The following QSOX2 variants were observed in gnomAD, a reference collection of about 807,000 sequenced individuals.
QSOX2 encodes quiescin sulfhydryl oxidase 2.
In QSOX2, 46 loss-of-function variants were observed where a neutral mutation model predicts 61.7. The ratio of observed to expected loss-of-function variants is 0.75; its 90% CI spans 0.59 to 0.95. QSOX2 has a LOEUF of 0.95. Ranked by LOEUF, QSOX2 falls within the 40% of genes least tolerant of loss-of-function variation. The probability of loss-of-function intolerance (pLI) is 0.00; values close to 1 mark genes in which losing one functional copy is unlikely to be tolerated. For synonymous variants in QSOX2, 383 were observed against 388.4 expected, an observed-to-expected ratio of 0.99 and a Z score of 0.16; for missense variants, 879 against 918.9, an observed-to-expected ratio of 0.96 and a Z score of 0.56.
intron 1 of QSOX2, among the ~76,000 whole-genome samples, chr9:136,234,879 C>T (rs1438663206): frequency 1.3e-5 from 2 of 151,798 alleles, no homozygotes; most frequent in African/African-American, 2.4e-5. Context: ...CACACCCCAG[C>T]GACCACAGGC....
Position 136,212,530 on chromosome 9 carries a change from G to A in QSOX2, c.1361-1078C>T, listed in dbSNP as rs374820346. On this transcript the variant is annotated intron_variant, in intron 10 of 11. Transcript: ENST00000358701. ...TTGTTTATTTCACCCAGAAAGGTGAGAGCAGAGCAGAGCAGACCACCTCCT... is the reference window on the plus strand; with the variant it reads ...TTGTTTATTTCACCCAGAAAGGTGAAAGCAGAGCAGAGCAGACCACCTCCT... Among the ~76,000 whole-genome samples the A allele has an allele frequency of 6.6e-5, 10 of 152,314 alleles. No individual in the cohort carries two copies. In the East Asian group the frequency reaches 1.5e-3, roughly 24 times the overall value.
rs190066568 is a variant in QSOX2 at position 136,216,895 on chromosome 9, C to A, written c.1087-173G>T. Among the ~76,000 whole-genome samples the A allele has an allele frequency of 2.1e-3, 317 of 152,342 alleles. 3 individuals carry two copies. Among genetic ancestry groups the A allele is most frequent in the African/African-American group, 7.5e-3 (312 of 41,570 alleles). ...ATGGGAGGCAGGAAACCCAAGGGGCCATGGGGTGGGCATCTAGCCTGCGCC... is the reference window on the plus strand; with the variant it reads ...ATGGGAGGCAGGAAACCCAAGGGGCAATGGGGTGGGCATCTAGCCTGCGCC... On this transcript the variant is annotated intron_variant, in intron 8 of 11. Coordinates refer to ENST00000358701, the MANE Select transcript of QSOX2 (RefSeq NM_181701.4).
intron 3 of QSOX2, among the ~76,000 whole-genome samples, 157 bp from the exon 4 acceptor site, chr9:136,224,269 C>T (rs1830258688): frequency 6.6e-6 from 1 of 152,238 alleles, no homozygotes; most frequent in African/African-American, 2.4e-5. Flanking sequence ...TGCCCAATGC[C>T]ACCCACAGGC....
intron 6 of QSOX2, among the ~76,000 whole-genome samples, chr9:136,219,523 G>A (rs192618428): frequency 2.6e-5 from 4 of 152,298 alleles, no homozygotes; most frequent in East Asian, 1.9e-4. Flanking sequence ...CTTCACCGAC[G>A]CGCCCACAAT....
chr9:136,223,998 G>T lies in QSOX2; in HGVS notation c.584+9C>A. 1 of 1,610,112 alleles carries T rather than the reference G, an allele frequency of 6.2e-7. No homozygotes were observed. The highest frequency in any genetic ancestry group is 8.5e-7 in the Non-Finnish European group (1 of 1,176,540). On this transcript the variant is annotated intron_variant, in intron 4 of 11. Transcript: ENST00000358701. This position sits in a 1 kb window ranked among gnomAD's most constrained non-coding sequence, Gnocchi z 4.4. ...GTCTAACGGCCGCCTTCTTCATGGAGCTACTCACTGAATGGGGTCTAGGCG... is the reference window on the plus strand; with the variant it reads ...GTCTAACGGCCGCCTTCTTCATGGATCTACTCACTGAATGGGGTCTAGGCG...
chr9:136,223,852 G>A lies in QSOX2; in HGVS notation c.586C>T (p.Pro196Ser). ...TCAAGAAGGGAAAGAACATCACTGG[G>A]CCTTTCAAGAGGAAAAAAAGAGGCT... Reference protein sequence around the residue: ...PACPRLDPIQPSDVLSLLDNR... With the variant: ...PACPRLDPIQSSDVLSLLDNR... The change falls in exon 5 of 12, where the codon CCC (proline) becomes TCC (serine). Residue 196 changes from proline (P) to serine (S), a missense_variant and splice_region_variant. By Grantham distance (74) the Pro-to-Ser change is moderately conservative. Transcript: ENST00000358701. The surrounding 1 kb of genome is among the most constrained non-coding windows in gnomAD (Gnocchi z 4.4). 1 of 1,613,962 alleles carries A rather than the reference G, an allele frequency of 6.2e-7. No individual in the cohort carries two copies. Among genetic ancestry groups the A allele is most frequent in the Non-Finnish European group, 8.5e-7 (1 of 1,179,932 alleles).
Position 136,245,671 on chromosome 9 carries a change from C to G in QSOX2, c.133G>C (p.Val45Leu). The G allele has an allele frequency of 8.3e-7, 1 of 1,205,430 alleles. No homozygotes were observed. The highest frequency in any genetic ancestry group is 1.0e-6 in the Non-Finnish European group (1 of 973,646). 74.7% of individuals were successfully genotyped at this position (1,205,430 alleles called of 1,614,324 possible). The change falls in exon 1 of 12, where the codon GTG (valine) becomes CTG (leucine). Residue 45 changes from valine (V) to leucine (L), a missense_variant. Val to Leu is a conservative substitution (Grantham distance 32). Coordinates refer to ENST00000358701, the MANE Select transcript of QSOX2 (RefSeq NM_181701.4). ...GCCGCACCGCCCGCGCCCGGCCCCA[C>G]CGCCGCCGCCGCTAGCAGCACTAGC... Reference protein sequence around the residue: ...RLLVLLAAAAVGPGAGGAARL... With the variant: ...RLLVLLAAAALGPGAGGAARL...
chr9:136,218,594 C>G (rs1418699895), intron 8 of QSOX2, 85 bp downstream of exon 8: 16 of 1,472,026 alleles, frequency 1.1e-5, no homozygotes, highest in Admixed American at 2.1e-5. Flanking sequence ...GCTGGCGGAG[C>G]CCCCGCAGTG....
intron 3 of QSOX2, 56 bp from the exon 4 acceptor site, chr9:136,224,168 G>T (rs1830257982): frequency 2.1e-6 from 3 of 1,402,614 alleles, no homozygotes; most frequent in Non-Finnish European, 3.0e-6. Flanking sequence ...CGTGGGGCAG[G>T]CATACACCCA....
At chr9:136,218,959 G>A (rs1378496730) in intron 7 of QSOX2, 71 bp downstream of exon 7, 6 of 1,584,932 alleles carry the variant, frequency 3.8e-6, no homozygotes, top group Non-Finnish European at 5.2e-6. Context: ...GAGTAAACCC[G>A]CCCTGCAAGC....
Position 136,224,911 on chromosome 9 carries a change from T to C in QSOX2, c.430-2A>G, listed in dbSNP as rs1402410857. ...CTCCTTTGTAAATGCTTTAAAATACTAAGAGGAAAAACACAGAACAAGTAA... is the reference window on the plus strand; with the variant it reads ...CTCCTTTGTAAATGCTTTAAAATACCAAGAGGAAAAACACAGAACAAGTAA... On this transcript the variant is annotated splice_acceptor_variant, in intron 2 of 11. Coordinates refer to ENST00000358701, the MANE Select transcript of QSOX2 (RefSeq NM_181701.4). LOFTEE classifies it high-confidence loss of function. The C allele has an allele frequency of 1.2e-6, 2 of 1,603,874 alleles. No homozygotes were observed. The highest frequency in any genetic ancestry group is 3.4e-5 in the Admixed American group (2 of 58,760).
chr9:136,210,597 C>T lies in QSOX2; in HGVS notation c.1549+667G>A, dbSNP rs1173429879. On this transcript the variant is annotated intron_variant, in intron 11 of 11. Coordinates refer to ENST00000358701, the MANE Select transcript of QSOX2 (RefSeq NM_181701.4). ...ACACAGCGCCTTCGTCACATGACCC[C>T]GGCCCCGGCAGTCAGGCTCAGGGCA... The T allele has an allele frequency of 1.1e-5, 11 of 985,338 alleles. No homozygotes were observed. In the South Asian group the frequency reaches 2.3e-4, roughly 21 times the overall value. The allele number at this position is 985,338 out of a possible 1,614,324, so 61.0% of individuals were successfully genotyped here. A position where few individuals can be genotyped will look rare whatever the true frequency, so the allele number is the denominator to read the frequency against.
At position 136,222,525 on chromosome 9, in the gene QSOX2, C is replaced by G. The variant is rs547309992; in HGVS notation, c.676-584G>C. 5.9e-5 allele frequency among the ~76,000 whole-genome samples: 9 copies of G among 152,232 alleles called. No individual in the cohort carries two copies. The highest frequency in any genetic ancestry group is 1.3e-4 in the Non-Finnish European group (9 of 68,046). ...TCTCTTAACAGAGGAACAAAACCAG[C>G]TGCTCCTCAAACCAAGGGCCCTGGC... On this transcript the variant is annotated intron_variant, in intron 5 of 11. Transcript: ENST00000358701. The surrounding 1 kb of genome is among the most constrained non-coding windows in gnomAD (Gnocchi z 6.9).
At chr9:136,233,943 C>G (rs1480763040) in intron 1 of QSOX2, among the ~76,000 whole-genome samples, 4 of 152,264 alleles carry the variant, frequency 2.6e-5, no homozygotes, top group African/African-American at 4.8e-5. Context: ...GAAAGCCAGA[C>G]AGAAGGCACA....
chr9:136,225,001 G>A lies in QSOX2; in HGVS notation c.430-92C>T, dbSNP rs1830266784. On this transcript the variant is annotated intron_variant, in intron 2 of 11. Transcript: ENST00000358701. Reference sequence around the variant, plus strand: ...CAAAACGCCCGTCACCTTAGAGGGAGCTTTACTCAATTTCCTTCGGAAAGT... The same window carrying A: ...CAAAACGCCCGTCACCTTAGAGGGAACTTTACTCAATTTCCTTCGGAAAGT... 1.2e-5 allele frequency: 10 copies of A among 812,306 alleles called. No homozygotes were observed. The South Asian group carries it at 1.6e-4, about 13-fold the overall frequency. The allele number at this position is 812,306 out of a possible 1,614,324, so 50.3% of individuals were successfully genotyped here. A position where few individuals can be genotyped will look rare whatever the true frequency, so the allele number is the denominator to read the frequency against.
chr9:136,210,218 G>A, intron 11 of QSOX2: 1 of 985,490 alleles, frequency 1.0e-6, no homozygotes, highest in Non-Finnish European at 1.2e-6. Context: ...CGCCAGCCCT[G>A]GGCAGAAGAC....
At chr9:136,220,716 TTC>T (rs1831970779) in intron 6 of QSOX2, among the ~76,000 whole-genome samples, 2 of 152,260 alleles carry the variant, frequency 1.3e-5, no homozygotes, top group South Asian at 4.1e-4. Context: ...TTCATTTTCT[TTC>T]TTTTTTTTTT....
In QSOX2 at chr9:136,224,128, CA is replaced by C; in HGVS notation, c.479-17del. The C allele has an allele frequency of 6.2e-7, 1 of 1,602,342 alleles. No individual in the cohort carries two copies. The highest frequency in any genetic ancestry group is 8.5e-7 in the Non-Finnish European group (1 of 1,170,234). ...CGGTCAGGTCCTGCCGGAAGCACAC[CA>C]GGGTCAGAGCTGTGTGTGCGGCTGT... On this transcript the variant is annotated splice_polypyrimidine_tract_variant and intron_variant, in intron 3 of 11. Coordinates refer to ENST00000358701, the MANE Select transcript of QSOX2 (RefSeq NM_181701.4).
At chr9:136,220,876 A>G (rs1439576299) in intron 6 of QSOX2, among the ~76,000 whole-genome samples, 1 of 151,990 alleles carries the variant, frequency 6.6e-6, no homozygotes, top group East Asian at 1.9e-4. Context: ...AGACCTGGCT[A>G]GTCTTTTTTT....
Sources: gnomAD v4.1 joint callset for allele counts (sites outside exome capture counted in the v4.1 genomes callset) on GRCh38, gnomAD v4.1.1 for gene constraint, Gnocchi (gnomAD v3.1) non-coding constraint, MANE v1.5 for transcripts, NCBI Gene and HGNC (gene_info 2026-07-23, HGNC 2026-07-21) for gene names.